Variants in CNTN5 observed in about 807,000 individuals in gnomAD.
CNTN5 encodes contactin-5.
A neutral mutation model predicts 129.1 loss-of-function variants in CNTN5; 77 were observed. The ratio of observed to expected loss-of-function variants is 0.60; its 90% CI spans 0.50 to 0.72. The LOEUF is 0.72. Ranked by LOEUF, CNTN5 falls within the 30% of genes least tolerant of loss-of-function variation. CNTN5 has a pLI of 0.00. For synonymous variants in CNTN5, 509 were observed against 465.6 expected (o/e 1.09, Z -1.20); for missense variants, 1,478 against 1,328.8 (o/e 1.11, Z -1.75).
chr11:99,244,311 C>T (rs187368224), intron 1 of CNTN5, among the ~76,000 whole-genome samples: 1 of 152,158 alleles, frequency 6.6e-6, no homozygotes, highest in Admixed American at 6.6e-5. Flanking sequence ...ATTTTGTATC[C>T]TGAAACATTA....
intron 1 of CNTN5, among the ~76,000 whole-genome samples, chr11:99,258,175 G>C (rs150209286): frequency 1.8e-4 from 28 of 152,036 alleles, no homozygotes; most frequent in Non-Finnish European, 3.2e-4. Flanking sequence ...TTTTGGTTTG[G>C]GGGTACATGT....
At chr11:99,683,341 A>C (rs913789512) in intron 3 of CNTN5, among the ~76,000 whole-genome samples, 1 of 151,836 alleles carries the variant, frequency 6.6e-6, no homozygotes, top group Non-Finnish European at 1.5e-5. Context: ...ATTAAGTTTT[A>C]TGTTTTCCAT....
At chr11:99,107,724 G>T (rs1248744041) in intron 1 of CNTN5, among the ~76,000 whole-genome samples, 1 of 151,942 alleles carries the variant, frequency 6.6e-6, no homozygotes, top group Non-Finnish European at 1.5e-5. Context: ...GAGGTCAGGA[G>T]ATTGAGACCA....
intron 3 of CNTN5, among the ~76,000 whole-genome samples, chr11:99,738,001 A>G (rs1459672599): frequency 2.0e-5 from 3 of 152,224 alleles, no homozygotes; most frequent in Non-Finnish European, 4.4e-5. Flanking sequence ...TTGAGGAAAC[A>G]AAGTTCATAG....
At chr11:99,089,422 G>A (rs983884211) in intron 1 of CNTN5, among the ~76,000 whole-genome samples, 66 of 152,096 alleles carry the variant, frequency 4.3e-4, no homozygotes, top group African/African-American at 1.5e-3. Context: ...AATCCTATAA[G>A]ATAAGCACAA....
At chr11:100,057,145 T>C (rs1390467333) in intron 9 of CNTN5, among the ~76,000 whole-genome samples, 1 of 149,780 alleles carries the variant, frequency 6.7e-6, no homozygotes, top group South Asian at 2.1e-4. Context: ...ATAATAATTA[T>C]ACTGATCATT....
At chr11:99,981,127 A>G (rs1457198620) in intron 8 of CNTN5, among the ~76,000 whole-genome samples, 2 of 98,830 alleles carry the variant, frequency 2.0e-5, no homozygotes, top group African/African-American at 3.2e-5. Context: ...CATATATGAA[A>G]GAGAATTGAT....
Position 99,382,283 on chromosome 11 carries a change from C to G in CNTN5, c.-71+56799C>G, listed in dbSNP as rs373971466. Among the ~76,000 whole-genome samples the G allele has an allele frequency of 3.4e-3, 514 of 152,176 alleles. 2 individuals are homozygous for G. The highest frequency in any genetic ancestry group is 0.012 in the African/African-American group (486 of 41,512). On this transcript the variant is annotated intron_variant, in intron 2 of 24. Coordinates refer to ENST00000524871, the MANE Select transcript of CNTN5 (RefSeq NM_014361.4). ...AGAGGACTGAATGGCACGCAGCACC[C>G]CCACATTTTGGCTTCTACAGAAAAT...
intron 2 of CNTN5, among the ~76,000 whole-genome samples, chr11:99,385,006 C>A (rs1940837010): frequency 1.3e-5 from 2 of 152,082 alleles, no homozygotes; most frequent in South Asian, 4.1e-4. Context: ...ATTCAATTCT[C>A]AAAGTGTTTA....
chr11:100,338,292 G>A (rs1029919285), intron 21 of CNTN5, among the ~76,000 whole-genome samples: 1 of 152,086 alleles, frequency 6.6e-6, no homozygotes, highest in Non-Finnish European at 1.5e-5. Context: ...AGCCTATAAT[G>A]GCTTCCTATG....
intron 1 of CNTN5, among the ~76,000 whole-genome samples, chr11:99,056,949 A>G (rs1046867739): frequency 6.6e-6 from 1 of 151,882 alleles, no homozygotes; most frequent in Admixed American, 6.6e-5. Flanking sequence ...TTTTTCCCTT[A>G]CTGGCTGCCC....
chr11:100,260,520 G>A (rs550254065), intron 17 of CNTN5, among the ~76,000 whole-genome samples: 1 of 152,270 alleles, frequency 6.6e-6, no homozygotes, highest in East Asian at 1.9e-4. Flanking sequence ...CAATATCCCT[G>A]GTGAATATCA....
chr11:99,786,424 C>A (rs774618304), intron 3 of CNTN5, among the ~76,000 whole-genome samples: 6 of 151,574 alleles, frequency 4.0e-5, no homozygotes, highest in Admixed American at 1.3e-4. Context: ...AATGGCCACA[C>A]CCCCCAAAGT....
intron 3 of CNTN5, among the ~76,000 whole-genome samples, chr11:99,633,654 A>C (rs981657399): frequency 6.6e-6 from 1 of 152,210 alleles, no homozygotes; most frequent in African/African-American, 2.4e-5. Flanking sequence ...CAGAAAAGTA[A>C]ACCATTTAAT....
chr11:99,086,504 G>C (rs944469292), intron 1 of CNTN5, among the ~76,000 whole-genome samples: 43 of 152,096 alleles, frequency 2.8e-4, no homozygotes, highest in African/African-American at 1.0e-3. Context: ...GAGTGAGGGG[G>C]ACAGGTCCCA....
chr11:99,649,156 A>G (rs1952068805), intron 3 of CNTN5, among the ~76,000 whole-genome samples: 1 of 150,432 alleles, frequency 6.6e-6, no homozygotes, highest in East Asian at 2.0e-4. Context: ...TGTATGCCCC[A>G]TAAATAGAAA....
At chr11:100,011,339 G>T (rs1940520976) in intron 9 of CNTN5, among the ~76,000 whole-genome samples, 2 of 152,062 alleles carry the variant, frequency 1.3e-5, no homozygotes, top group African/African-American at 4.8e-5. Context: ...AGGGCAAACA[G>T]GGTTACTCTG....
chr11:99,026,999 G>A (rs987067446), intron 1 of CNTN5, among the ~76,000 whole-genome samples: 19 of 151,374 alleles, frequency 1.3e-4, no homozygotes, highest in African/African-American at 3.6e-4. Flanking sequence ...TGCTATACCC[G>A]CATTCTCTTA....
intron 3 of CNTN5, among the ~76,000 whole-genome samples, chr11:99,753,854 A>AT (rs1944320366): frequency 6.6e-6 from 1 of 150,956 alleles, no homozygotes; most frequent in East Asian, 2.0e-4. Context: ...CACCCAACTA[A>AT]TTTTTGTATT....
Sources: gnomAD v4.1 joint callset for allele counts (sites outside exome capture counted in the v4.1 genomes callset) on GRCh38, gnomAD v4.1.1 for gene constraint, MANE v1.5 for transcripts, NCBI Gene and HGNC (gene_info 2026-07-23, HGNC 2026-07-21) for gene names.